PTPN2: variants seen among roughly 807,000 people sequenced by gnomAD.
PTPN2 encodes tyrosine-protein phosphatase non-receptor type 2.
A neutral mutation model predicts 57.3 loss-of-function variants in PTPN2; 19 were observed. That is an observed-to-expected ratio of 0.33 (90% CI 0.23 to 0.49). PTPN2 has a LOEUF of 0.49. Ranked by LOEUF, PTPN2 falls within the 20% of genes least tolerant of loss-of-function variation. The probability of loss-of-function intolerance (pLI) is 0.99; values close to 1 mark genes in which losing one functional copy is unlikely to be tolerated. For synonymous variants in PTPN2, 153 were observed against 164.9 expected (o/e 0.93, Z 0.55); for missense variants, 358 against 501.1 (o/e 0.71, Z 2.73).
At chr18:12,810,604 G>A (rs1042382475) in intron 7 of PTPN2, among the ~76,000 whole-genome samples, 1 of 152,060 alleles carries the variant, frequency 6.6e-6, no homozygotes. Context: ...AACTACCACG[G>A]CTGGCTTTTT....
chr18:12,877,238 A>C (rs1030671417), intron 1 of PTPN2, among the ~76,000 whole-genome samples: 1 of 152,220 alleles, frequency 6.6e-6, no homozygotes, highest in African/African-American at 2.4e-5. Flanking sequence ...AAGAAAAAAA[A>C]AGACCACCCT....
chr18:12,882,487 G>A (rs542128788), intron 1 of PTPN2, among the ~76,000 whole-genome samples: 3 of 152,258 alleles, frequency 2.0e-5, no homozygotes, highest in Admixed American at 2.0e-4. Context: ...AAAATGTTAA[G>A]CTGAATTAAG....
intron 1 of PTPN2, among the ~76,000 whole-genome samples, chr18:12,867,288 C>A (rs1373449937): frequency 6.6e-6 from 1 of 151,964 alleles, no homozygotes; most frequent in Non-Finnish European, 1.5e-5. Flanking sequence ...CACTGCACTC[C>A]AGCCTGGGTG....
intron 7 of PTPN2, among the ~76,000 whole-genome samples, chr18:12,805,348 T>C (rs982189548): frequency 2.6e-5 from 4 of 151,690 alleles, no homozygotes; most frequent in African/African-American, 9.7e-5. Flanking sequence ...TCCCAGCCAC[T>C]CAGGTGGCTG....
At chr18:12,873,933 G>A (rs1338063975) in intron 1 of PTPN2, among the ~76,000 whole-genome samples, 3 of 148,350 alleles carry the variant, frequency 2.0e-5, no homozygotes, top group South Asian at 2.1e-4. Context: ...GCCTCTGCCC[G>A]GTCGCGACCC....
At chr18:12,831,568 ATCT>A (rs2042672088) in intron 3 of PTPN2, among the ~76,000 whole-genome samples, 2 of 152,220 alleles carry the variant, frequency 1.3e-5, no homozygotes, top group Admixed American at 6.5e-5. Flanking sequence ...TGTCCTCTTC[ATCT>A]TCTACAGCCA....
rs1028774458 is a variant in PTPN2 at position 12,793,921 on chromosome 18, G to C, written c.*357C>G. 42 of 1,115,062 alleles carry C rather than the reference G, an allele frequency of 3.8e-5. No individual in the cohort carries two copies. Among genetic ancestry groups the C allele is most frequent in the Non-Finnish European group, 4.4e-5 (40 of 910,770 alleles). 69.1% of individuals were successfully genotyped at this position (1,115,062 alleles called of 1,614,324 possible). A position where few individuals can be genotyped will look rare whatever the true frequency, so the allele number is the denominator to read the frequency against. ...CCACAATATTTATTGCTTATATCAA[G>C]TGCAGGTTAAAATCCAGATAGCCTC... On this transcript the variant is annotated 3_prime_UTR_variant, in exon 9 of 9. Transcript: ENST00000309660.
chr18:12,800,029 A>C (rs1386985075), intron 8 of PTPN2, among the ~76,000 whole-genome samples: 1 of 152,160 alleles, frequency 6.6e-6, no homozygotes, highest in African/African-American at 2.4e-5. Context: ...AACATGCACC[A>C]GTCTCATTTA....
At chr18:12,878,748 G>T (rs1416252933) in intron 1 of PTPN2, among the ~76,000 whole-genome samples, 1 of 152,170 alleles carries the variant, frequency 6.6e-6, no homozygotes, top group African/African-American at 2.4e-5. Context: ...CCAAGAGGCT[G>T]AGGTGAGAGG....
Position 12,794,300 on chromosome 18 carries a change from AAC to A in PTPN2, c.1224_1225del (p.Phe410SerfsTer9). ...TGTTTATAGGGCATTTTGCTGAAAA[AAC>A]AGTGTCCAGCCAACAAAAGCGCCAA... is the stretch of plus-strand genomic sequence containing the variant. On this transcript the variant is annotated frameshift_variant, in exon 9 of 9. Coordinates refer to ENST00000309660, the MANE Select transcript of PTPN2 (RefSeq NM_002828.4). LOFTEE classifies it high-confidence loss of function. The A allele has an allele frequency of 2.5e-6, 4 of 1,614,206 alleles. No homozygotes were observed. Among genetic ancestry groups the A allele is most frequent in the Non-Finnish European group, 2.5e-6 (3 of 1,180,040 alleles).
intron 1 of PTPN2, among the ~76,000 whole-genome samples, chr18:12,861,001 C>T (rs190730267): frequency 1.3e-3 from 195 of 152,122 alleles, no homozygotes; most frequent in African/African-American, 4.6e-3. Context: ...AAGTTAGGTG[C>T]CATTTTGTTT....
chr18:12,817,761 G>T (rs963095572), intron 5 of PTPN2, among the ~76,000 whole-genome samples: 6 of 152,284 alleles, frequency 3.9e-5, no homozygotes, highest in African/African-American at 1.2e-4. Flanking sequence ...GGCAGCCTTT[G>T]GGTTCTCAGC....
At chr18:12,823,794 C>A (rs576379100) in intron 5 of PTPN2, among the ~76,000 whole-genome samples, 2 of 151,622 alleles carry the variant, frequency 1.3e-5, no homozygotes, top group African/African-American at 4.9e-5. Context: ...ATATAAAATA[C>A]GGGGATAATA....
In PTPN2 at chr18:12,802,064, T is replaced by A. The variant is rs1269551755; in HGVS notation, c.946A>T (p.Asn316Tyr). Residue 316 changes from asparagine (N) to tyrosine (Y), a missense_variant, in exon 8 of 9, where the codon AAC (asparagine) becomes TAC (tyrosine). This residue lies in a region of PTPN2 where 7 missense variants were observed against 26.9 expected (regional missense o/e 0.26). Transcript: ENST00000309660. Reference protein sequence around the residue: ...NKIMTEKYNGNRIGLEEEKLT... With the variant: ...NKIMTEKYNGYRIGLEEEKLT... ...TTTTCTTCTTCTAGACCTATTCTGT[T>A]CCCATTGTATTTTTCAGTCATTATT... is the stretch of plus-strand genomic sequence containing the variant. 6.2e-7 allele frequency: 1 copy of A among 1,612,904 alleles called. No individual in the cohort carries two copies. The highest frequency in any genetic ancestry group is 8.5e-7 in the Non-Finnish European group (1 of 1,179,378).
At chr18:12,808,948 T>C (rs546158221) in intron 7 of PTPN2, among the ~76,000 whole-genome samples, 1 of 152,226 alleles carries the variant, frequency 6.6e-6, no homozygotes, top group Non-Finnish European at 1.5e-5. Flanking sequence ...CAGTGGTGCT[T>C]GAATGTGATC....
At chr18:12,843,130 A>G (rs968372561) in intron 2 of PTPN2, among the ~76,000 whole-genome samples, 3 of 152,116 alleles carry the variant, frequency 2.0e-5, no homozygotes, top group Admixed American at 6.5e-5. Context: ...TGGCTCTACC[A>G]ACCTACATGA....
chr18:12,859,749 C>A (rs369033102), intron 1 of PTPN2, among the ~76,000 whole-genome samples: 1 of 152,164 alleles, frequency 6.6e-6, no homozygotes, highest in Admixed American at 6.5e-5. Context: ...TTCATGTTCA[C>A]GCTATTTAAC....
At chr18:12,811,836 T>A (rs2041900136) in intron 7 of PTPN2, among the ~76,000 whole-genome samples, 1 of 152,160 alleles carries the variant, frequency 6.6e-6, no homozygotes, top group Non-Finnish European at 1.5e-5. Context: ...TGTTTCATCT[T>A]TCTTTCTAAT....
intron 2 of PTPN2, among the ~76,000 whole-genome samples, chr18:12,858,018 T>TA: frequency 6.6e-6 from 1 of 152,258 alleles, no homozygotes; most frequent in East Asian, 1.9e-4. Flanking sequence ...AGAATAAAAA[T>TA]AAGGATTTTT....
Sources: gnomAD v4.1 joint callset for allele counts (sites outside exome capture counted in the v4.1 genomes callset) on GRCh38, gnomAD v4.1.1 for gene constraint, gnomAD v4.1.1 regional missense constraint, MANE v1.5 for transcripts, NCBI Gene and HGNC (gene_info 2026-07-23, HGNC 2026-07-21) for gene names.